Variants in HNRNPH2 observed in about 807,000 individuals in gnomAD.
The protein encoded by HNRNPH2 is FTP-3.
For synonymous variants in HNRNPH2, 128 were observed against 128.2 expected (o/e 1.00, Z 0.01); for missense variants, 115 against 352.9 (o/e 0.33, Z 5.40).
rs1247764549 is a variant in HNRNPH2, at chrX:101,411,980, A to G, written c.-9A>G. 1 of 1,189,777 alleles carries G rather than the reference A, an allele frequency of 8.4e-7. No homozygotes were observed. Among genetic ancestry groups the G allele is most frequent in the Non-Finnish European group, 1.1e-6 (1 of 886,432 alleles). On this transcript the variant is annotated 5_prime_UTR_variant, in exon 2 of 2. Coordinates refer to ENST00000316594, the MANE Select transcript of HNRNPH2 (RefSeq NM_019597.5). ...AGCCAAACTTGCCACCAAGAGCCCA[A>G]CAATCACCATGATGCTGAGCACGGA...
intron 1 of HNRNPH2, among the ~76,000 whole-genome samples, chrX:101,409,013 A>G (rs1297129842): frequency 9.0e-6 from 1 of 111,356 alleles, no homozygotes; most frequent in African/African-American, 3.3e-5. Context: ...TTCCCACTTT[A>G]GCCAGCAGTC....
chrX:101,411,808 C>G, intron 1 of HNRNPH2, 128 bp from the exon 2 acceptor site: 1 of 702,777 alleles, frequency 1.4e-6, no homozygotes, highest in Non-Finnish European at 2.0e-6. Flanking sequence ...GGTGAACTCT[C>G]TGTTTATACA....
At chrX:101,411,765 ATAAC>A (rs1327273822) in intron 1 of HNRNPH2, among the ~76,000 whole-genome samples, 167 bp from the exon 2 acceptor site, 1 of 111,895 alleles carries the variant, frequency 8.9e-6, no homozygotes, top group African/African-American at 3.2e-5. Flanking sequence ...CATTGAATAA[ATAAC>A]TGCTAAAAAA....
chrX:101,409,840 A>AG (rs1928722988), intron 1 of HNRNPH2, among the ~76,000 whole-genome samples: 1 of 112,025 alleles, frequency 8.9e-6, no homozygotes, highest in African/African-American at 3.2e-5. Flanking sequence ...TTCTGGGTCA[A>AG]GGCAGATAGA....
Position 101,408,269 on chromosome X carries a change from G to T in HNRNPH2, c.-104G>T. On this transcript the variant is annotated 5_prime_UTR_variant, in exon 1 of 2. Transcript: ENST00000316594. ...AGTTCTGGTCGTCGTCTACCGTCTC[G>T]CTATAGCCGTTTGAGGGAAGAAGGA... 7.3e-6 allele frequency: 2 copies of T among 272,460 alleles called. No homozygotes were observed. Among genetic ancestry groups the T allele is most frequent in the Non-Finnish European group, 1.3e-5 (2 of 149,887 alleles). The allele number at this position is 272,460 out of a possible 1,213,427, so 22.5% of individuals were successfully genotyped here. A position where few individuals can be genotyped will look rare whatever the true frequency, so the allele number is the denominator to read the frequency against.
At chrX:101,411,404 A>ATTTTTTTTTTTTTTTTTTT (rs782617767) in intron 1 of HNRNPH2, among the ~76,000 whole-genome samples, 1 of 48,965 alleles carries the variant, frequency 2.0e-5, no homozygotes. Flanking sequence ...GTTGCTGTTA[A>ATTTTTTTTTTTTTTTTTTT]TTTTTTTTTT....
chrX:101,410,610 C>T (rs1555987972), intron 1 of HNRNPH2, among the ~76,000 whole-genome samples: 1 of 111,457 alleles, frequency 9.0e-6, no homozygotes, highest in Non-Finnish European at 1.9e-5. Context: ...CATTTTACTC[C>T]TGTTGCCTTA....
intron 1 of HNRNPH2, among the ~76,000 whole-genome samples, chrX:101,408,559 G>T (rs184180484): frequency 9.0e-6 from 1 of 110,817 alleles, no homozygotes; most frequent in African/African-American, 3.3e-5. Flanking sequence ...CGGTCTCGGG[G>T]GACCCCTAAG....
In HNRNPH2 at chrX:101,412,804, T is replaced by G. The variant is rs782529056; in HGVS notation, c.816T>G (p.Ser272=). 2.5e-6 allele frequency: 3 copies of G among 1,210,688 alleles called. No individual in the cohort carries two copies. The highest frequency in any genetic ancestry group is 3.4e-6 in the Non-Finnish European group (3 of 894,502). The part of the protein sequence containing the change: ...RDLNYCFSGM[S]DHRYGDGGSS... ...TCAATTACTGTTTTTCAGGAATGTC[T>G]GATCATAGATACGGAGATGGTGGGT... Residue 272 remains serine, a synonymous_variant, in exon 2 of 2, where the codon TCT becomes TCG. Transcript: ENST00000316594.
At chrX:101,408,510 T>A (rs1411318149) in intron 1 of HNRNPH2, among the ~76,000 whole-genome samples, 191 bp downstream of exon 1, 2 of 108,771 alleles carry the variant, frequency 1.8e-5, no homozygotes, top group East Asian at 5.8e-4. Flanking sequence ...TGGACGCTCA[T>A]GACTGTGTAT....
At chrX:101,409,910 A>C (rs1928726578) in intron 1 of HNRNPH2, among the ~76,000 whole-genome samples, 2 of 111,692 alleles carry the variant, frequency 1.8e-5, no homozygotes, top group African/African-American at 6.5e-5. Context: ...TCATTCAGCC[A>C]TTCCTCTAAT....
At chrX:101,411,879 T>C in intron 1 of HNRNPH2, 57 bp from the exon 2 acceptor site, 1 of 1,101,285 alleles carries the variant, frequency 9.1e-7, no homozygotes, top group South Asian at 2.3e-5. Context: ...TGCTTTTTTC[T>C]CTTACTATAT....
In HNRNPH2 at chrX:101,413,479, G is replaced by C. The variant is rs782315033; in HGVS notation, c.*141G>C. 96 of 465,957 alleles carry C rather than the reference G, an allele frequency of 2.1e-4. No homozygotes were observed. The highest frequency in any genetic ancestry group is 3.8e-4 in the Middle Eastern group (1 of 2,607). 38.4% of individuals were successfully genotyped at this position (465,957 alleles called of 1,213,427 possible). On this transcript the variant is annotated 3_prime_UTR_variant, in exon 2 of 2. Coordinates refer to ENST00000316594, the MANE Select transcript of HNRNPH2 (RefSeq NM_019597.5). ...AATTGATTCTGATCACTCTTGGTCA[G>C]CTTCTCTTTCTTTATCTTTCTTTCT...
chrX:101,409,348 T>C (rs1474692895), intron 1 of HNRNPH2, among the ~76,000 whole-genome samples: 1 of 112,082 alleles, frequency 8.9e-6, no homozygotes, highest in Non-Finnish European at 1.9e-5. Context: ...GTACTTTGTT[T>C]CCAAGAGGCC....
intron 1 of HNRNPH2, 88 bp from the exon 2 acceptor site, chrX:101,411,848 T>C (rs3027575): frequency 0.068 from 66,676 of 976,818 alleles, 1,865 homozygotes; most frequent in African/African-American, 0.14. Context: ...GTCAGCATAA[T>C]TGAATTTTCT....
At chrX:101,408,417 C>A in intron 1 of HNRNPH2, 98 bp downstream of exon 1, 1 of 159,078 alleles carries the variant, frequency 6.3e-6, no homozygotes, top group Non-Finnish European at 1.2e-5. Context: ...TCTCTGCTTT[C>A]CCCTCCCCCC....
At chrX:101,409,543 A>G (rs1251491661) in intron 1 of HNRNPH2, among the ~76,000 whole-genome samples, 2 of 112,551 alleles carry the variant, frequency 1.8e-5, no homozygotes, top group Non-Finnish European at 3.7e-5. Context: ...GAAAAATAAC[A>G]TGGAAAATCC....
At position 101,412,612 on chromosome X, in the gene HNRNPH2, T is replaced by A; in HGVS notation, c.624T>A (p.Gly208=). 1 of 1,211,614 alleles carries A rather than the reference T, an allele frequency of 8.3e-7. No homozygotes were observed. Among genetic ancestry groups the A allele is most frequent in the Non-Finnish European group, 1.1e-6 (1 of 895,179 alleles). Reference sequence around the variant, plus strand: ...AGCTCATGGCTATGCAGCGGCCAGGTCCCTATGATAGGCCGGGGGCTGGCA... The same window carrying A: ...AGCTCATGGCTATGCAGCGGCCAGGACCCTATGATAGGCCGGGGGCTGGCA... ...PRKLMAMQRP[G]PYDRPGAGRG... The change falls in exon 2 of 2, where the codon GGT becomes GGA. Residue 208 remains glycine (G), a synonymous_variant. Coordinates refer to ENST00000316594, the MANE Select transcript of HNRNPH2 (RefSeq NM_019597.5).
Position 101,412,321 on chromosome X carries a change from C to G in HNRNPH2, c.333C>G (p.Gly111=). The G allele has an allele frequency of 8.3e-7, 1 of 1,210,958 alleles. No homozygotes were observed. Among genetic ancestry groups the G allele is most frequent in the Non-Finnish European group, 1.1e-6 (1 of 894,945 alleles). The change falls in exon 2 of 2, where the codon GGC becomes GGG. Residue 111 remains glycine (G), a synonymous_variant. Coordinates refer to ENST00000316594, the MANE Select transcript of HNRNPH2 (RefSeq NM_019597.5). ...ATAGCCCTGATACTGCCAACGATGG[C>G]TTCGTCCGGCTTAGAGGACTCCCAT... ...GPNSPDTAND[G]FVRLRGLPFG... is the part of the protein sequence containing the mutation.
Sources: allele counts gnomAD v4.1 joint callset (sites outside exome capture counted in the v4.1 genomes callset), GRCh38; gene constraint gnomAD v4.1.1; transcripts MANE v1.5; gene names NCBI Gene and HGNC (gene_info 2026-07-23, HGNC 2026-07-21).